Variants in SZT2 observed in about 807,000 individuals in gnomAD.
SZT2 encodes KICSTOR complex protein SZT2.
SZT2 carries 216 observed loss-of-function variants against 404.2 expected under a neutral mutation model. The ratio of observed to expected loss-of-function variants is 0.53; its 90% CI spans 0.48 to 0.60. The LOEUF (loss-of-function observed/expected upper bound fraction) is 0.60. Among genes scored for constraint, SZT2 ranks in the 20% least tolerant of loss-of-function variants. The pLI is 0.00. For missense variants in SZT2, 3,857 were observed against 4,459.2 expected, an observed-to-expected ratio of 0.86 and a Z score of 3.85; for synonymous variants, 1,693 against 1,749.9, an observed-to-expected ratio of 0.97 and a Z score of 0.81.
At position 43,437,086 on chromosome 1, in the gene SZT2, C is replaced by T; in HGVS notation, c.6035-85C>T. On this transcript the variant is annotated intron_variant, in intron 42 of 71. Transcript: ENST00000634258. The surrounding 1 kb of genome is among the most constrained non-coding windows in gnomAD (Gnocchi z 5.3). ...AGGGATGAGTCTGGAGGAGTGAGGA[C>T]AAGTAGGCCAGTTCCCAGGTGAGAA... 1 of 1,545,896 alleles carries T rather than the reference C, an allele frequency of 6.5e-7. No individual in the cohort carries two copies. Among genetic ancestry groups the T allele is most frequent in the Non-Finnish European group, 8.8e-7 (1 of 1,136,416 alleles).
chr1:43,427,414 C>T lies in SZT2; in HGVS notation c.3567C>T (p.His1189=), dbSNP rs1570653914. The T allele has an allele frequency of 4.3e-6, 7 of 1,613,312 alleles. No homozygotes were observed. Among genetic ancestry groups the T allele is most frequent in the Non-Finnish European group, 5.9e-6 (7 of 1,179,528 alleles). Residue 1189 remains histidine (H), a synonymous_variant, in exon 25 of 72, where the codon CAC becomes CAT. Coordinates refer to ENST00000634258, the MANE Select transcript of SZT2 (RefSeq NM_001365999.1). ...CTGGGATCAAAGCTACAAAGTCCCA[C>T]GTCCCTGTCCTCAGTGTGACCCTGG... ...GGTGIKATKS[H]VPVLSVTLAS... is the part of the protein sequence containing the mutation.
At position 43,397,477 on chromosome 1, in the gene SZT2, GGA is replaced by G. The variant is rs1459825178; in HGVS notation, c.28-5699_28-5698del. ...ATGTAGACATGGCCTCCACCTCGCT[GGA>G]TCTTCAGACTTATACAGGAAACAAA... On this transcript the variant is annotated intron_variant, in intron 1 of 71. Transcript: ENST00000634258. Among the ~76,000 whole-genome samples the G allele has an allele frequency of 1.2e-3, 182 of 151,326 alleles. No homozygotes were observed. In the East Asian group the frequency reaches 0.023, roughly 20 times the overall value.
chr1:43,436,842 G>A lies in SZT2; in HGVS notation c.6035-329G>A, dbSNP rs1482943137. 3 of 352,378 alleles carry A rather than the reference G, an allele frequency of 8.5e-6. No homozygotes were observed. The Admixed American group carries it at 1.3e-4, about 16-fold the overall frequency. The allele number at this position is 352,378 out of a possible 1,614,324, so 21.8% of individuals were successfully genotyped here. A position where few individuals can be genotyped will look rare whatever the true frequency, so the allele number is the denominator to read the frequency against. ...TCCCTGGAGGACATAGTGTTAGAGT[G>A]CTACTGACATATATTATGACAGGGT... On this transcript the variant is annotated intron_variant, in intron 42 of 71. Transcript: ENST00000634258.
Position 43,448,289 on chromosome 1 carries a change from A to C in SZT2, c.9774A>C (p.Ala3258=), listed in dbSNP as rs567536861. 1 of 1,561,046 alleles carries C rather than the reference A, an allele frequency of 6.4e-7. No homozygotes were observed. Among genetic ancestry groups the C allele is most frequent in the African/African-American group, 1.4e-5 (1 of 73,438 alleles). Residue 3258 remains alanine, a synonymous_variant, in exon 69 of 72, where the codon GCA becomes GCC. Transcript: ENST00000634258. This position sits in a 1 kb window ranked among gnomAD's most constrained non-coding sequence, Gnocchi z 4.2. The part of the protein sequence containing the change: ...FPPLAAEVGM[A]RARLAQLVRL... ...CACTGGCTGCAGAGGTGGGCATGGCACGAGCACGGCTGGCTCAGCTGGTGC... is the reference window on the plus strand; with the variant it reads ...CACTGGCTGCAGAGGTGGGCATGGCCCGAGCACGGCTGGCTCAGCTGGTGC...
At position 43,442,255 on chromosome 1, in the gene SZT2, C is replaced by T. The variant is rs1331148418; in HGVS notation, c.7874-13C>T. The T allele has an allele frequency of 6.2e-7, 1 of 1,610,594 alleles. No individual in the cohort carries two copies. The highest frequency in any genetic ancestry group is 1.7e-5 in the Admixed American group (1 of 59,744). On this transcript the variant is annotated splice_polypyrimidine_tract_variant and intron_variant, in intron 56 of 71. Transcript: ENST00000634258. The surrounding 1 kb of genome is among the most constrained non-coding windows in gnomAD (Gnocchi z 4.5). ...TTCCCAGGCCCCTATTGTGCCCCTC[C>T]CCCACCCTGTAGCTGCCAAAGCCAT... is the stretch of plus-strand genomic sequence containing the variant.
intron 1 of SZT2, among the ~76,000 whole-genome samples, chr1:43,397,078 GTTA>G (rs1453991715): frequency 1.3e-5 from 2 of 152,190 alleles, no homozygotes; most frequent in Non-Finnish European, 2.9e-5. Flanking sequence ...GTATTCAACA[GTTA>G]TTATTAGAAC....
At chr1:43,393,759 G>A (rs1648674966) in intron 1 of SZT2, among the ~76,000 whole-genome samples, 1 of 152,160 alleles carries the variant, frequency 6.6e-6, no homozygotes, top group Non-Finnish European at 1.5e-5. Context: ...ATTCTTCCTG[G>A]TATACATGGT....
In SZT2 at chr1:43,419,820, G is replaced by A. The variant is rs2153932079; in HGVS notation, c.966G>A (p.Gly322=). Residue 322 remains glycine (G), a synonymous_variant, in exon 8 of 72, where the codon GGG becomes GGA. Coordinates refer to ENST00000634258, the MANE Select transcript of SZT2 (RefSeq NM_001365999.1). ...AGTTCATCGCAATGGCAACATTTGG[G>A]TCCTACCTGTCCACTTGTCCTGAGC... ...LMKFIAMATF[G]SYLSTCPEPE... is the part of the protein sequence containing the mutation. 1 of 1,598,472 alleles carries A rather than the reference G, an allele frequency of 6.3e-7. No homozygotes were observed. Among genetic ancestry groups the A allele is most frequent in the South Asian group, 1.1e-5 (1 of 91,090 alleles).
rs1478079081 is a variant in SZT2 at position 43,452,873 on chromosome 1, C to G, written c.*2393C>G. 2 of 1,574,472 alleles carry G rather than the reference C, an allele frequency of 1.3e-6. No individual in the cohort carries two copies. Among genetic ancestry groups the G allele is most frequent in the African/African-American group, 1.4e-5 (1 of 73,964 alleles). ...CACATCCAGCTCCAAGCAGACATTC[C>G]AGGCCTCCCCATCCCAACAGGCTAC... On this transcript the variant is annotated 3_prime_UTR_variant, in exon 72 of 72. Transcript: ENST00000634258.
Position 43,420,287 on chromosome 1 carries a change from G to A in SZT2, c.1225G>A (p.Glu409Lys). 6.3e-7 allele frequency: 1 copy of A among 1,597,780 alleles called. No individual in the cohort carries two copies. Residue 409 changes from glutamate (E) to lysine (K), a missense_variant, in exon 9 of 72, where the codon GAG (glutamate) becomes AAG (lysine). Coordinates refer to ENST00000634258, the MANE Select transcript of SZT2 (RefSeq NM_001365999.1). The surrounding 1 kb of genome is among the most constrained non-coding windows in gnomAD (Gnocchi z 5.1). ...CAGCACTGTGTCCGTACGGCTTCGA[G>A]AGGGCTACAGTGTCCGAGAGGTCAC... is the stretch of plus-strand genomic sequence containing the variant. ...LVSTVSVRLREGYSVREVTLA... is the reference protein window; with the variant it reads ...LVSTVSVRLRKGYSVREVTLA...
intron 3 of SZT2, 108 bp downstream of exon 3, chr1:43,403,882 G>C: frequency 7.9e-7 from 1 of 1,264,038 alleles, no homozygotes; most frequent in South Asian, 1.3e-5. Context: ...ATTTTGGAGA[G>C]AAGACAGGCT....
intron 1 of SZT2, among the ~76,000 whole-genome samples, chr1:43,391,039 G>A (rs1391272067): frequency 2.6e-5 from 4 of 152,240 alleles, no homozygotes; most frequent in East Asian, 1.9e-4. Context: ...AAAGTAAGCC[G>A]GGCGCAGTGG....
rs1488941851 is a variant in SZT2, at chr1:43,426,411, C to T, written c.3087C>T (p.Asn1029=). The T allele has an allele frequency of 1.3e-6, 2 of 1,589,806 alleles. No individual in the cohort carries two copies. The highest frequency in any genetic ancestry group is 1.7e-5 in the Admixed American group (1 of 59,086). Residue 1029 remains asparagine, a synonymous_variant, in exon 22 of 72, where the codon AAC becomes AAT. Coordinates refer to ENST00000634258, the MANE Select transcript of SZT2 (RefSeq NM_001365999.1). This position sits in a 1 kb window ranked among gnomAD's most constrained non-coding sequence, Gnocchi z 4.9. The part of the protein sequence containing the change: ...VPFAEGSCPA[N]DMVLCLLHSC... ...TCGCCGAGGGGTCCTGTCCTGCCAA[C>T]GACATGGTGCTGTGCCTGCTGCACA...
chr1:43,415,690 G>A (rs1253240333), intron 5 of SZT2, among the ~76,000 whole-genome samples: 1 of 152,138 alleles, frequency 6.6e-6, no homozygotes, highest in Non-Finnish European at 1.5e-5. Flanking sequence ...GTGGAAAGGG[G>A]CCCTTCTTGG....
chr1:43,427,564 A>G lies in SZT2; in HGVS notation c.3633A>G (p.Pro1211=), dbSNP rs1319227101. 3 of 1,614,220 alleles carry G rather than the reference A, an allele frequency of 1.9e-6. No homozygotes were observed. Among genetic ancestry groups the G allele is most frequent in the Non-Finnish European group, 2.5e-6 (3 of 1,180,038 alleles). The change falls in exon 26 of 72, where the codon CCA becomes CCG. Residue 1211 remains proline (P), a synonymous_variant. Transcript: ENST00000634258. ...NAQNQGELSP[P]FRRDLQAYAG... ...AGAATCAAGGAGAGCTAAGTCCACCATTCCGTCGAGACTTACAGGCTTACG... is the reference window on the plus strand; with the variant it reads ...AGAATCAAGGAGAGCTAAGTCCACCGTTCCGTCGAGACTTACAGGCTTACG...
chr1:43,446,217 G>A lies in SZT2; in HGVS notation c.8955G>A (p.Arg2985=). The change falls in exon 64 of 72, where the codon CGG becomes CGA. Residue 2985 remains arginine (R), a synonymous_variant. Transcript: ENST00000634258. ...CGGTAACCACCTACCACCTGCAGCG[G>A]GCACTGCCTGGGGGCATCATCCTCA... The part of the protein sequence containing the change: ...SSPVTTYHLQ[R]ALPGGIILME... 1 of 1,614,230 alleles carries A rather than the reference G, an allele frequency of 6.2e-7. No individual in the cohort carries two copies. The highest frequency in any genetic ancestry group is 8.5e-7 in the Non-Finnish European group (1 of 1,180,044).
In SZT2 at chr1:43,453,362, TG is replaced by T. The variant is rs1477571708; in HGVS notation, c.*2887del. On this transcript the variant is annotated 3_prime_UTR_variant, in exon 72 of 72. Transcript: ENST00000634258. Reference sequence around the variant, plus strand: ...GCATCAGGGTCATGGGTCACAGGGGTGGGGGTGGGGTGGAGCGGGGTACCTG... The same window carrying T: ...GCATCAGGGTCATGGGTCACAGGGGTGGGGTGGGGTGGAGCGGGGTACCTG... 3 of 879,672 alleles carry T rather than the reference TG, an allele frequency of 3.4e-6. No homozygotes were observed. Among genetic ancestry groups the T allele is most frequent in the Non-Finnish European group, 2.8e-6 (2 of 719,790 alleles). 54.5% of individuals were successfully genotyped at this position (879,672 alleles called of 1,614,324 possible).
Position 43,430,800 on chromosome 1 carries a change from G to A in SZT2, c.4774+11G>A. 1.2e-6 allele frequency: 2 copies of A among 1,602,202 alleles called. No individual in the cohort carries two copies. The highest frequency in any genetic ancestry group is 2.2e-5 in the East Asian group (1 of 44,786). Reference sequence around the variant, plus strand: ...TGCCTACCTGCCTGGGTGAGTTTGAGGCAGCCCGAGGGAAAGCCAAAGGTC... The same window carrying A: ...TGCCTACCTGCCTGGGTGAGTTTGAAGCAGCCCGAGGGAAAGCCAAAGGTC... On this transcript the variant is annotated intron_variant, in intron 32 of 71. Transcript: ENST00000634258.
At chr1:43,419,607 C>G (rs1652100028) in intron 7 of SZT2, 127 bp from the exon 8 acceptor site, 2 of 734,700 alleles carry the variant, frequency 2.7e-6, no homozygotes, top group Non-Finnish European at 4.5e-6. Flanking sequence ...TGGGAAAACA[C>G]TGGCCTACTT....
Sources: allele counts gnomAD v4.1 joint callset (sites outside exome capture counted in the v4.1 genomes callset), GRCh38; gene constraint gnomAD v4.1.1; non-coding constraint Gnocchi (gnomAD v3.1); transcripts MANE v1.5; gene names NCBI Gene and HGNC (gene_info 2026-07-23, HGNC 2026-07-21).